Variants in ETF1 observed in about 807,000 individuals in gnomAD.
ETF1 encodes the protein eukaryotic translation termination factor 1, also known as eukaryotic peptide chain release factor subunit 1.
In ETF1, 4 loss-of-function variants were observed where a neutral mutation model predicts 55.1. That is an observed-to-expected ratio of 0.07 (90% CI 0.04 to 0.17). The LOEUF is 0.17. Among genes scored for constraint, ETF1 ranks in the 10% least tolerant of loss-of-function variants. ETF1 has a pLI of 1.00. For synonymous variants in ETF1, 157 were observed against 182.3 expected, an observed-to-expected ratio of 0.86 and a Z score of 1.12; for missense variants, 142 against 523.6, an observed-to-expected ratio of 0.27 and a Z score of 7.11.
At chr5:138,525,124 T>C (rs906397035) in intron 2 of ETF1, among the ~76,000 whole-genome samples, 3 of 152,082 alleles carry the variant, frequency 2.0e-5, no homozygotes, top group African/African-American at 7.2e-5. Flanking sequence ...TAAATTCTAA[T>C]TTTATCATGT....
intron 2 of ETF1, among the ~76,000 whole-genome samples, chr5:138,526,607 G>C (rs893674467): frequency 6.6e-6 from 1 of 152,094 alleles, no homozygotes; most frequent in Non-Finnish European, 1.5e-5. Flanking sequence ...CATGATCTTG[G>C]CTGACTGCAA....
In ETF1 at chr5:138,512,256, A is replaced by T. The variant is rs1312498123; in HGVS notation, c.732+508T>A. 3.7e-3 allele frequency among the ~76,000 whole-genome samples: 69 copies of T among 18,880 alleles called. 1 individual carries two copies. Among genetic ancestry groups the T allele is most frequent in the African/African-American group, 0.016 (68 of 4,332 alleles). 12.4% of individuals were successfully genotyped at this position (18,880 alleles called of 152,430 possible). A position where few individuals can be genotyped will look rare whatever the true frequency, so the allele number is the denominator to read the frequency against. ...TATATATATATATATATATATATAT[A>T]TATTTTTTTTTTTTTTTAAAGGCAA... On this transcript the variant is annotated intron_variant, in intron 6 of 10. Coordinates refer to ENST00000360541, the MANE Select transcript of ETF1 (RefSeq NM_004730.4).
intron 6 of ETF1, chr5:138,511,839 G>A (rs1430556424): frequency 8.1e-6 from 8 of 984,490 alleles, no homozygotes; most frequent in Non-Finnish European, 8.4e-6. Flanking sequence ...CTCATTAAGT[G>A]CAAACAAAAA....
At position 138,508,145 on chromosome 5, in the gene ETF1, G is replaced by T; in HGVS notation, c.*160C>A. 2.2e-6 allele frequency: 2 copies of T among 928,354 alleles called. No homozygotes were observed. Among genetic ancestry groups the T allele is most frequent in the Non-Finnish European group, 3.1e-6 (2 of 642,242 alleles). 57.5% of individuals were successfully genotyped at this position (928,354 alleles called of 1,614,324 possible). A position where few individuals can be genotyped will look rare whatever the true frequency, so the allele number is the denominator to read the frequency against. On this transcript the variant is annotated 3_prime_UTR_variant, in exon 11 of 11. Transcript: ENST00000360541. ...AAACCAAAGTGTAGGGCTGGGTCTG[G>T]TTTTGTTTCGGTTTTCTTTTCAATA... is the stretch of plus-strand genomic sequence containing the variant.
chr5:138,522,719 T>C (rs1765284158), intron 2 of ETF1, among the ~76,000 whole-genome samples: 1 of 152,100 alleles, frequency 6.6e-6, no homozygotes, highest in African/African-American at 2.4e-5. Context: ...TAACTTACAC[T>C]ACATTGGCCA....
intron 2 of ETF1, among the ~76,000 whole-genome samples, chr5:138,534,215 G>C (rs1765821533): frequency 6.6e-6 from 1 of 152,164 alleles, no homozygotes; most frequent in African/African-American, 2.4e-5. Context: ...CTGTCCCCCA[G>C]AGAACAAAGA....
In ETF1 at chr5:138,538,764, G is replaced by A. The variant is rs1766052909; in HGVS notation, c.86+4069C>T. Among the ~76,000 whole-genome samples the A allele has an allele frequency of 2.6e-5, 4 of 152,110 alleles. No individual in the cohort carries two copies. In the South Asian group the frequency reaches 6.2e-4, roughly 24 times the overall value. On this transcript the variant is annotated intron_variant, in intron 2 of 10. Transcript: ENST00000360541. ...CTATTAACCAACAATGTTTACTTGG[G>A]GAAGGTACTCAAACACATCCAACAT...
intron 4 of ETF1, among the ~76,000 whole-genome samples, chr5:138,516,351 T>C (rs975317356): frequency 2.0e-5 from 3 of 146,542 alleles, no homozygotes; most frequent in Non-Finnish European, 4.5e-5. Flanking sequence ...ATACACCTAC[T>C]ATGTACCCAC....
At position 138,512,749 on chromosome 5, in the gene ETF1, C is replaced by T. The variant is rs1044253224; in HGVS notation, c.732+15G>A. On this transcript the variant is annotated intron_variant, in intron 6 of 10. Transcript: ENST00000360541. Reference sequence around the variant, plus strand: ...CCTAGGGTCTTACATAATAAAGCATCTACTTCTTACTTACCTGATCAAACA... The same window carrying T: ...CCTAGGGTCTTACATAATAAAGCATTTACTTCTTACTTACCTGATCAAACA... The T allele has an allele frequency of 6.4e-7, 1 of 1,567,818 alleles. No individual in the cohort carries two copies. The highest frequency in any genetic ancestry group is 8.6e-7 in the Non-Finnish European group (1 of 1,164,590).
chr5:138,535,837 T>C lies in ETF1; in HGVS notation c.86+6996A>G, dbSNP rs994150507. On this transcript the variant is annotated intron_variant, in intron 2 of 10. Transcript: ENST00000360541. Reference sequence around the variant, plus strand: ...TTGCAGTAAGCTGAGATCGCACCACTGCACTCAAGCCTGGGCGGGAAAGCG... The same window carrying C: ...TTGCAGTAAGCTGAGATCGCACCACCGCACTCAAGCCTGGGCGGGAAAGCG... 9.6e-5 allele frequency among the ~76,000 whole-genome samples: 11 copies of C among 114,484 alleles called. No homozygotes were observed. The East Asian group carries it at 3.3e-3, about 34-fold the overall frequency. The allele number at this position is 114,484 out of a possible 152,430, so 75.1% of individuals were successfully genotyped here.
chr5:138,531,054 C>T (rs2127115690), intron 2 of ETF1, among the ~76,000 whole-genome samples: 1 of 152,272 alleles, frequency 6.6e-6, no homozygotes, highest in Non-Finnish European at 1.5e-5. Context: ...AGGTGTCCCC[C>T]CAAATTCATG....
chr5:138,518,972 A>G, intron 2 of ETF1, 105 bp from the exon 3 acceptor site: 1 of 1,540,606 alleles, frequency 6.5e-7, no homozygotes, highest in Non-Finnish European at 8.7e-7. Flanking sequence ...AAAGTTATGG[A>G]AACAGGTCAC....
At chr5:138,543,042 C>A (rs1378053412) in intron 1 of ETF1, 55 bp downstream of exon 1, 22 of 968,910 alleles carry the variant, frequency 2.3e-5, no homozygotes, top group Non-Finnish European at 2.8e-5. Flanking sequence ...CCCTCTCCTC[C>A]CGTCCGGTGC....
chr5:138,542,231 C>A (rs762357173), intron 2 of ETF1, among the ~76,000 whole-genome samples: 20 of 152,142 alleles, frequency 1.3e-4, no homozygotes, highest in African/African-American at 4.8e-5. Flanking sequence ...GGTCCTGGAA[C>A]AGCTAAAACC....
intron 2 of ETF1, among the ~76,000 whole-genome samples, chr5:138,523,934 T>C (rs1463467514): frequency 6.6e-6 from 1 of 152,012 alleles, no homozygotes. Context: ...CCCAGCACTC[T>C]GGGAGGCCGA....
intron 2 of ETF1, among the ~76,000 whole-genome samples, chr5:138,523,941 C>T (rs1765344134): frequency 1.3e-5 from 2 of 152,034 alleles, no homozygotes; most frequent in African/African-American, 4.8e-5. Context: ...CTCTGGGAGG[C>T]CGAGGCAGGC....
intron 2 of ETF1, among the ~76,000 whole-genome samples, chr5:138,541,021 G>A (rs570491872): frequency 1.4e-4 from 22 of 152,256 alleles, no homozygotes; most frequent in Non-Finnish European, 2.6e-4. Flanking sequence ...AGAATATAAC[G>A]TATGCAAATT....
At position 138,510,801 on chromosome 5, in the gene ETF1, A is replaced by C. The variant is rs900361047; in HGVS notation, c.1019-172T>G. 116 of 687,352 alleles carry C rather than the reference A, an allele frequency of 1.7e-4. No individual in the cohort carries two copies. Among genetic ancestry groups the C allele is most frequent in the Non-Finnish European group, 2.1e-4 (116 of 558,208 alleles). 42.6% of individuals were successfully genotyped at this position (687,352 alleles called of 1,614,324 possible). ...GTCTACTAGGTACAATGCTTCAACC[A>C]TAAGGAACATCAGAGATGTTCAAGA... On this transcript the variant is annotated intron_variant, in intron 8 of 10. Coordinates refer to ENST00000360541, the MANE Select transcript of ETF1 (RefSeq NM_004730.4).
In ETF1 at chr5:138,510,636, T is replaced by C. The variant is rs911398576; in HGVS notation, c.1019-7A>G. 6.5e-5 allele frequency: 105 copies of C among 1,612,424 alleles called. 1 individual carries two copies. The highest frequency in any genetic ancestry group is 8.7e-5 in the Non-Finnish European group (103 of 1,178,600). On this transcript the variant is annotated splice_polypyrimidine_tract_variant and splice_region_variant and intron_variant, in intron 8 of 10. Transcript: ENST00000360541. ...AGATAGAGAATTTTCTCCTCTGTAG[T>C]ATTAGGAGGAAAAAATGTGTTAACC...
Sources: allele counts gnomAD v4.1 joint callset (sites outside exome capture counted in the v4.1 genomes callset), GRCh38; gene constraint gnomAD v4.1.1; transcripts MANE v1.5; gene names NCBI Gene and HGNC (gene_info 2026-07-23, HGNC 2026-07-21).